The following OPHN1 variants were observed in gnomAD, a reference collection of about 807,000 sequenced individuals.
OPHN1 encodes oligophrenin-1.
A neutral mutation model predicts 60.7 loss-of-function variants in OPHN1; 11 were observed. The ratio of observed to expected loss-of-function variants is 0.18; its 90% CI spans 0.11 to 0.30. The LOEUF (loss-of-function observed/expected upper bound fraction) is 0.30, where lower values mean the gene tolerates loss of function less well. Ranked by LOEUF, OPHN1 falls within the 10% of genes least tolerant of loss-of-function variation. The pLI, the probability that OPHN1 is intolerant of heterozygous loss-of-function variation, is 1.00. For missense variants in OPHN1, 449 were observed against 611.0 expected (o/e 0.73, Z 2.80); for synonymous variants, 226 against 222.6 (o/e 1.02, Z -0.14).
intron 2 of OPHN1, among the ~76,000 whole-genome samples, chrX:68,330,611 C>G: frequency 9.2e-6 from 1 of 108,378 alleles, no homozygotes; most frequent in Non-Finnish European, 1.9e-5. Context: ...CCAACCTGGG[C>G]AACATAGTGA....
intron 16 of OPHN1, among the ~76,000 whole-genome samples, chrX:68,116,328 T>C (rs965574419): frequency 1.1e-4 from 12 of 111,554 alleles, no homozygotes; most frequent in African/African-American, 3.6e-4. Context: ...GGCAAGAAAA[T>C]ATATTTTGGG....
At chrX:68,068,699 A>C (rs1232852704) in intron 20 of OPHN1, among the ~76,000 whole-genome samples, 1 of 111,633 alleles carries the variant, frequency 9.0e-6, no homozygotes, top group African/African-American at 3.3e-5. Flanking sequence ...TCAACTGATC[A>C]ATGGATAAAT....
At chrX:68,057,726 G>T (rs2076878436) in intron 21 of OPHN1, among the ~76,000 whole-genome samples, 1 of 111,821 alleles carries the variant, frequency 8.9e-6, no homozygotes, top group Non-Finnish European at 1.9e-5. Flanking sequence ...AGACACCGAT[G>T]TTGTTCTCTC....
At chrX:68,193,026 T>C in intron 14 of OPHN1, 33 bp from the exon 15 acceptor site, 2 of 1,089,881 alleles carry the variant, frequency 1.8e-6, no homozygotes, top group South Asian at 3.7e-5. Context: ...TAATTTCACT[T>C]GTATAGCTAG....
chrX:68,348,708 T>C (rs1350678848), intron 2 of OPHN1, among the ~76,000 whole-genome samples: 1 of 111,660 alleles, frequency 9.0e-6, no homozygotes, highest in Admixed American at 9.7e-5. Flanking sequence ...AGCATTGTGA[T>C]AGGCACTAGG....
intron 2 of OPHN1, among the ~76,000 whole-genome samples, chrX:68,350,582 G>C (rs1370190664): frequency 8.0e-5 from 8 of 99,764 alleles, no homozygotes; most frequent in Non-Finnish European, 1.6e-4. Flanking sequence ...ACCTAGGCTA[G>C]AGTGCTCACT....
At chrX:68,327,879 G>A (rs1241356593) in intron 2 of OPHN1, among the ~76,000 whole-genome samples, 1 of 102,791 alleles carries the variant, frequency 9.7e-6, no homozygotes, top group Non-Finnish European at 2.0e-5. Flanking sequence ...CCAGACTGCG[G>A]ACTGCAGGGG....
chrX:68,129,097 T>A (rs1333362906), intron 15 of OPHN1, among the ~76,000 whole-genome samples: 2 of 111,964 alleles, frequency 1.8e-5, no homozygotes, highest in African/African-American at 6.5e-5. Context: ...CACTAAATAA[T>A]ACAAATAAAA....
intron 2 of OPHN1, among the ~76,000 whole-genome samples, chrX:68,431,583 A>ATTTTTT (rs367572189): frequency 1.1e-5 from 1 of 93,583 alleles, no homozygotes. Context: ...TGCCCAGCTA[A>ATTTTTT]TTTTTTTTTT....
rs868640150 is a variant in OPHN1 at position 68,073,080 on chromosome X, C to T, written c.1834+72G>A. On this transcript the variant is annotated intron_variant, in intron 20 of 24. Coordinates refer to ENST00000355520, the MANE Select transcript of OPHN1 (RefSeq NM_002547.3). The stretch of plus-strand genomic sequence containing the variant: ...ATAGAGAGAAAAATGGTCATGCCAC[C>T]GCTTCTGCCCTTCGATATCCTCTTT... 12 of 1,103,049 alleles carry T rather than the reference C, an allele frequency of 1.1e-5. No individual in the cohort carries two copies. In the Middle Eastern group the frequency reaches 7.4e-4, roughly 68 times the overall value. The allele number at this position is 1,103,049 out of a possible 1,213,427, so 90.9% of individuals were successfully genotyped here.
intron 2 of OPHN1, among the ~76,000 whole-genome samples, chrX:68,401,605 A>G (rs2078715087): frequency 8.9e-6 from 1 of 112,104 alleles, no homozygotes; most frequent in Admixed American, 9.5e-5. Flanking sequence ...AGTGCATAAT[A>G]CCAAGCATTA....
intron 16 of OPHN1, among the ~76,000 whole-genome samples, chrX:68,113,982 GA>G (rs35991802): frequency 0.51 from 52,030 of 101,950 alleles, 11,940 homozygotes; most frequent in African/African-American, 0.85. Context: ...AAAAAAAAAA[GA>G]AAAAAAAAAA....
At chrX:68,327,789 A>T (rs1191574822) in intron 2 of OPHN1, among the ~76,000 whole-genome samples, 1 of 78,174 alleles carries the variant, frequency 1.3e-5, no homozygotes, top group South Asian at 6.0e-4. Context: ...AATAAAAAAT[A>T]AAAAAAATAA....
intron 18 of OPHN1, among the ~76,000 whole-genome samples, chrX:68,097,345 G>A (rs1316082286): frequency 5.4e-5 from 6 of 111,019 alleles, no homozygotes; most frequent in Admixed American, 1.9e-4. Context: ...GAAGCAAGAG[G>A]ACATTCAAAG....
At chrX:68,279,652 T>G (rs1293486768) in intron 4 of OPHN1, among the ~76,000 whole-genome samples, 1 of 111,373 alleles carries the variant, frequency 9.0e-6, no homozygotes, top group Non-Finnish European at 1.9e-5. Flanking sequence ...GTCCTTTTGC[T>G]ACAAAGCCAG....
intron 19 of OPHN1, among the ~76,000 whole-genome samples, chrX:68,093,500 T>C (rs187568423): frequency 3.5e-4 from 39 of 111,660 alleles, no homozygotes; most frequent in Non-Finnish European, 9.4e-5. Flanking sequence ...ACTCCAAAAC[T>C]GTTTTCCAGA....
intron 2 of OPHN1, among the ~76,000 whole-genome samples, chrX:68,341,894 C>A (rs1569285991): frequency 9.1e-6 from 1 of 109,718 alleles, no homozygotes; most frequent in Non-Finnish European, 1.9e-5. Flanking sequence ...AACTCTGAAT[C>A]CTGATTTTCA....
intron 2 of OPHN1, among the ~76,000 whole-genome samples, chrX:68,322,229 C>A (rs773492047): frequency 9.0e-6 from 1 of 111,448 alleles, no homozygotes; most frequent in South Asian, 3.8e-4. Flanking sequence ...ACCTCAGACT[C>A]CCAAAGTGCT....
At chrX:68,215,771 G>T (rs2077605632) in intron 6 of OPHN1, among the ~76,000 whole-genome samples, 1 of 111,600 alleles carries the variant, frequency 9.0e-6, no homozygotes, top group Admixed American at 9.6e-5. Context: ...TGTGTAAACT[G>T]TGAAATTATC....
Sources: gnomAD v4.1 joint callset for allele counts (sites outside exome capture counted in the v4.1 genomes callset) on GRCh38, gnomAD v4.1.1 for gene constraint, MANE v1.5 for transcripts, NCBI Gene and HGNC (gene_info 2026-07-23, HGNC 2026-07-21) for gene names.